The following ATPAF1 variants were observed in gnomAD, a reference collection of about 807,000 sequenced individuals.
The protein encoded by ATPAF1 is ATP synthase mitochondrial F1 complex assembly factor 1.
Under a neutral mutation model 43.9 loss-of-function variants are expected in ATPAF1, and 26 were observed. The ratio of observed to expected loss-of-function variants is 0.59; its 90% CI spans 0.43 to 0.82. ATPAF1 has a LOEUF of 0.82. ATPAF1 is among the 40% of genes least tolerant of loss of function. The pLI is 0.00. For synonymous variants in ATPAF1, 157 were observed against 168.0 expected (o/e 0.93, Z 0.50); for missense variants, 366 against 435.0 (o/e 0.84, Z 1.41).
At chr1:46,632,916 G>C (rs1016528386), downstream of ATPAF1, 5 of 152,562 alleles carry the variant, frequency 3.3e-5, no homozygotes, top group African/African-American at 1.2e-4. Context: ...GTTTGCAAAG[G>C]GGGCCACTAT....
At chr1:46,645,236 T>C in exon 7 of ATPAF1, 1 of 1,613,526 alleles carries the variant, frequency 6.2e-7, no homozygotes, top group Non-Finnish European at 8.5e-7. Context: ...AACCTTCCCT[T>C]CTTGGCAGAG....
At chr1:46,656,995 C>A (rs1287322189) in intron 4 of ATPAF1, among the ~76,000 whole-genome samples, 1 of 152,122 alleles carries the variant, frequency 6.6e-6, no homozygotes, top group Non-Finnish European at 1.5e-5. Context: ...ACAAAGGAAA[C>A]CCATGGCAAC....
intron 4 of ATPAF1, among the ~76,000 whole-genome samples, chr1:46,656,861 T>C (rs112146510): frequency 0.011 from 1,603 of 152,330 alleles, 22 homozygotes; most frequent in African/African-American, 0.036. Flanking sequence ...GCTGATCTGA[T>C]CCGTTTTGCG....
At chr1:46,668,465 C>CGGCGA (rs1676536183), upstream of ATPAF1, 3 of 936,102 alleles carry the variant, frequency 3.2e-6, no homozygotes, top group Non-Finnish European at 3.9e-6. The surrounding 1 kb of genome is among the most constrained non-coding windows in gnomAD (Gnocchi z 4.4). Flanking sequence ...CGCGGGATAG[C>CGGCGA]GGCGAGGCGG....
intron 6 of ATPAF1, among the ~76,000 whole-genome samples, chr1:46,648,392 G>A (rs912366567): frequency 1.3e-5 from 2 of 152,144 alleles, no homozygotes; most frequent in African/African-American, 4.8e-5. Context: ...GGTTACATGC[G>A]TGAGCCACCA....
At chr1:46,661,120 T>C (rs2984805) in intron 2 of ATPAF1, among the ~76,000 whole-genome samples, 2,055 of 151,806 alleles carry the variant, frequency 0.014, 47 homozygotes, top group African/African-American at 0.047. Context: ...TCGCCCACGC[T>C]GGAGTGCAGT....
chr1:46,633,501 C>A, downstream of ATPAF1: 1 of 332,860 alleles, frequency 3.0e-6, no homozygotes, highest in South Asian at 2.5e-5. Flanking sequence ...CATATGAACC[C>A]AGATTCACTT....
chr1:46,652,507 A>G, intron 6 of ATPAF1, 74 bp downstream of exon 6: 1 of 1,447,826 alleles, frequency 6.9e-7, no homozygotes. Context: ...AGTATGGAAT[A>G]TGACGTGATG....
At chr1:46,657,237 T>A (rs1030855616) in intron 4 of ATPAF1, among the ~76,000 whole-genome samples, 1 of 152,196 alleles carries the variant, frequency 6.6e-6, no homozygotes, top group African/African-American at 2.4e-5. Context: ...TTATTATTAT[T>A]TTGATCCTCT....
At chr1:46,660,953 C>CT (rs34678504) in intron 2 of ATPAF1, among the ~76,000 whole-genome samples, 2 of 150,298 alleles carry the variant, frequency 1.3e-5, no homozygotes, top group African/African-American at 2.4e-5. Flanking sequence ...GGCCTAGAAC[C>CT]TTTTTTTTTT....
At chr1:46,664,919 C>A in intron 2 of ATPAF1, 1 of 232,726 alleles carries the variant, frequency 4.3e-6, no homozygotes, top group Non-Finnish European at 8.4e-6. Context: ...AATTTAAATC[C>A]CCCACAACGT....
intron 2 of ATPAF1, 91 bp from the exon 3 acceptor site, chr1:46,658,828 A>G (rs1036646321): frequency 1.1e-5 from 9 of 815,422 alleles, no homozygotes; most frequent in Non-Finnish European, 1.7e-5. Flanking sequence ...TCATTAAATA[A>G]TTTTGCATGT....
intron 8 of ATPAF1, among the ~76,000 whole-genome samples, chr1:46,637,007 G>A (rs1675853163): frequency 6.6e-6 from 1 of 152,196 alleles, no homozygotes; most frequent in Admixed American, 6.5e-5. Context: ...GCAACCTTGT[G>A]AGACCCTGAG....
intron 3 of ATPAF1, 129 bp downstream of exon 3, chr1:46,658,558 T>C (rs978690975): frequency 4.5e-6 from 3 of 661,178 alleles, no homozygotes; most frequent in Non-Finnish European, 5.0e-6. Context: ...ATTTCTCACT[T>C]CTACAGCTGG....
intron 2 of ATPAF1, among the ~76,000 whole-genome samples, chr1:46,661,095 C>CA (rs1676377885): frequency 6.7e-6 from 1 of 148,958 alleles, no homozygotes; most frequent in South Asian, 2.1e-4. Context: ...TTTTTGGAGA[C>CA]AGAGTCTCAC....
At chr1:46,664,011 A>G in intron 2 of ATPAF1, 1 of 805,592 alleles carries the variant, frequency 1.2e-6, no homozygotes, top group Non-Finnish European at 1.7e-6. Context: ...GAGAATAAAA[A>G]GTAATAAGAA....
chr1:46,636,551 C>T (rs1425307245), intron 8 of ATPAF1, among the ~76,000 whole-genome samples: 1 of 152,114 alleles, frequency 6.6e-6, no homozygotes, highest in Non-Finnish European at 1.5e-5. Context: ...AGATATTCCT[C>T]CCTTTGATGG....
At chr1:46,664,717 T>C (rs1304059289) in intron 2 of ATPAF1, 1 of 152,324 alleles carries the variant, frequency 6.6e-6, no homozygotes, top group East Asian at 1.9e-4. Flanking sequence ...GATTAAGTTT[T>C]ACTGGGACAG....
chr1:46,634,732 G>A (rs1675806128), downstream of ATPAF1: 1 of 152,448 alleles, frequency 6.6e-6, no homozygotes. Flanking sequence ...ACTGAGCTTG[G>A]AGCCACAACA....
Sources: allele counts gnomAD v4.1 joint callset (sites outside exome capture counted in the v4.1 genomes callset), GRCh38; gene constraint gnomAD v4.1.1; non-coding constraint Gnocchi (gnomAD v3.1); transcripts MANE v1.5; gene names NCBI Gene and HGNC (gene_info 2026-07-23, HGNC 2026-07-21).